Variants in PJA2 observed in about 807,000 individuals in gnomAD.
The protein encoded by PJA2 is E3 ubiquitin-protein ligase Praja-2.
PJA2 carries 25 observed loss-of-function variants against 69.3 expected under a neutral mutation model. The observed-to-expected ratio is 0.36, with a 90% confidence interval of 0.26 to 0.50. The LOEUF is 0.50. PJA2 is among the 20% of genes least tolerant of loss of function. The pLI is 0.96. For synonymous variants in PJA2, 308 were observed against 277.8 expected (o/e 1.11, Z -1.08); for missense variants, 809 against 830.2 (o/e 0.97, Z 0.31).
At chr5:109,386,693 C>A (rs1353986839) in intron 1 of PJA2, among the ~76,000 whole-genome samples, 4 of 151,844 alleles carry the variant, frequency 2.6e-5, no homozygotes, top group Non-Finnish European at 5.9e-5. Context: ...ATGGTTTCAA[C>A]AAGTATATGT....
At chr5:109,387,101 G>A (rs1451086359) in intron 1 of PJA2, among the ~76,000 whole-genome samples, 1 of 152,058 alleles carries the variant, frequency 6.6e-6, no homozygotes, top group East Asian at 1.9e-4. Context: ...CAGACTGGGA[G>A]ATTTCACTCA....
At chr5:109,352,744 CATGT>C (rs1444158740) in intron 7 of PJA2, among the ~76,000 whole-genome samples, 1 of 151,802 alleles carries the variant, frequency 6.6e-6, no homozygotes, top group Admixed American at 6.6e-5. Flanking sequence ...TATATGCATG[CATGT>C]GTGTGCACAG....
chr5:109,387,581 A>C (rs986538708), intron 1 of PJA2, among the ~76,000 whole-genome samples: 2 of 152,208 alleles, frequency 1.3e-5, no homozygotes, highest in Non-Finnish European at 2.9e-5. Context: ...GGGTTTTTAC[A>C]TACTTCTTAC....
At chr5:109,375,879 T>C (rs1347499119) in intron 4 of PJA2, among the ~76,000 whole-genome samples, 1 of 152,116 alleles carries the variant, frequency 6.6e-6, no homozygotes, top group Non-Finnish European at 1.5e-5. Flanking sequence ...GCAACTATAA[T>C]CCTTTGCAGG....
chr5:109,392,682 C>A (rs1747309677), intron 1 of PJA2, among the ~76,000 whole-genome samples: 2 of 151,932 alleles, frequency 1.3e-5, no homozygotes, highest in African/African-American at 4.8e-5. Context: ...CATATAGGAC[C>A]AACACAGGAA....
rs371308212 is a variant in PJA2, at chr5:109,373,850, A to C, written c.1283+4354T>G. On this transcript the variant is annotated intron_variant, in intron 4 of 9. Transcript: ENST00000361189. ...CTTGATATACAGAATGAAATTATAGACAAAATTTATGTACAAATCCTAGGC... is the reference window on the plus strand; with the variant it reads ...CTTGATATACAGAATGAAATTATAGCCAAAATTTATGTACAAATCCTAGGC... Among the ~76,000 whole-genome samples, 7 of 152,334 alleles carry C rather than the reference A, an allele frequency of 4.6e-5. No homozygotes were observed. In the East Asian group the frequency reaches 1.2e-3, roughly 25 times the overall value.
chr5:109,391,619 G>T (rs954773389), intron 1 of PJA2, among the ~76,000 whole-genome samples: 1 of 151,560 alleles, frequency 6.6e-6, no homozygotes, highest in Admixed American at 6.6e-5. Context: ...GAGTGTGCTT[G>T]TCAGTGAATT....
Position 109,368,720 on chromosome 5 carries a change from G to C in PJA2, c.1310C>G (p.Ser437Cys). ...AGAAAATCGATGAGGCAAAGAAGCA[G>C]ACCATTCCCCATCACTGCATTCAGA... ...DSSECSDGEW[S>C]ASLPHRFSGT... The change falls in exon 5 of 10, where the codon TCT becomes TGT. Residue 437 changes from serine (S) to cysteine (C), a missense_variant. Coordinates refer to ENST00000361189, the MANE Select transcript of PJA2 (RefSeq NM_014819.5). 6.2e-7 allele frequency: 1 copy of C among 1,613,824 alleles called. No homozygotes were observed. The highest frequency in any genetic ancestry group is 8.5e-7 in the Non-Finnish European group (1 of 1,179,906).
chr5:109,385,676 G>A (rs79586023), intron 1 of PJA2, among the ~76,000 whole-genome samples: 4,617 of 152,240 alleles, frequency 0.03, 92 homozygotes, highest in Middle Eastern at 0.048. Context: ...GAGATCTCTA[G>A]GTGTACATGG....
At chr5:109,348,532 G>A (rs981855937) in intron 7 of PJA2, among the ~76,000 whole-genome samples, 1 of 152,122 alleles carries the variant, frequency 6.6e-6, no homozygotes, top group African/African-American at 2.4e-5. Context: ...GTCACTCTGA[G>A]CCTCCTGTTA....
intron 4 of PJA2, among the ~76,000 whole-genome samples, chr5:109,370,984 T>C (rs973393835): frequency 1.3e-5 from 2 of 152,190 alleles, no homozygotes; most frequent in Non-Finnish European, 2.9e-5. Flanking sequence ...TGATCAATAA[T>C]CAAGAAGCCT....
chr5:109,402,919 G>C (rs970543708), intron 1 of PJA2, among the ~76,000 whole-genome samples: 2 of 152,000 alleles, frequency 1.3e-5, no homozygotes, highest in Non-Finnish European at 2.9e-5. Flanking sequence ...AAGCACCTCA[G>C]GCAGTGCTTG....
At chr5:109,373,645 G>A (rs1416163919) in intron 4 of PJA2, among the ~76,000 whole-genome samples, 3 of 152,018 alleles carry the variant, frequency 2.0e-5, no homozygotes, top group African/African-American at 4.8e-5. Context: ...TTTTAAAAGC[G>A]GGTGAATGAC....
chr5:109,396,473 C>A (rs1254624592), intron 1 of PJA2, among the ~76,000 whole-genome samples: 1 of 131,348 alleles, frequency 7.6e-6, no homozygotes, highest in Non-Finnish European at 1.5e-5. Context: ...GTGGCCCAGG[C>A]TAGAGTGCAG....
At chr5:109,338,032 T>C (rs534597549) in intron 9 of PJA2, among the ~76,000 whole-genome samples, 1 of 152,216 alleles carries the variant, frequency 6.6e-6, no homozygotes, top group Admixed American at 6.5e-5. Flanking sequence ...AAAGCAGTTA[T>C]ACTAGGAGCA....
intron 2 of PJA2, 22 bp downstream of exon 2, chr5:109,383,381 T>C (rs765563307): frequency 2.5e-6 from 4 of 1,611,692 alleles, no homozygotes; most frequent in South Asian, 1.1e-5. Context: ...GTACTCAATG[T>C]AGAAGAACTG....
intron 1 of PJA2, 113 bp from the exon 2 acceptor site, chr5:109,383,633 G>C (rs369549782): frequency 2.1e-6 from 1 of 469,760 alleles, no homozygotes; most frequent in South Asian, 3.5e-5. Context: ...AAAATACAAT[G>C]TGATGTAGCC....
At chr5:109,400,029 C>A (rs975526240) in intron 1 of PJA2, among the ~76,000 whole-genome samples, 1 of 152,090 alleles carries the variant, frequency 6.6e-6, no homozygotes, top group South Asian at 2.1e-4. Context: ...GTGGCTCACA[C>A]CTGTAATCCC....
intron 1 of PJA2, among the ~76,000 whole-genome samples, chr5:109,394,856 A>AT (rs1418153636): frequency 2.0e-5 from 3 of 151,932 alleles, no homozygotes; most frequent in Non-Finnish European, 2.9e-5. Context: ...GCAGATAAAA[A>AT]TTTTTTTTTA....
Sources: gnomAD v4.1 joint callset for allele counts (sites outside exome capture counted in the v4.1 genomes callset) on GRCh38, gnomAD v4.1.1 for gene constraint, MANE v1.5 for transcripts, NCBI Gene and HGNC (gene_info 2026-07-23, HGNC 2026-07-21) for gene names.